The following YTHDF3 variants were observed in gnomAD, a reference collection of about 807,000 sequenced individuals.
YTHDF3 encodes the protein YTH domain-containing family protein 3.
YTHDF3 carries 9 observed loss-of-function variants against 52.5 expected under a neutral mutation model. That is an observed-to-expected ratio of 0.17 (90% CI 0.10 to 0.30). The LOEUF (loss-of-function observed/expected upper bound fraction) is 0.30, where lower values mean the gene tolerates loss of function less well. YTHDF3 is among the 10% of genes least tolerant of loss of function. The pLI is 1.00. For missense variants in YTHDF3, 534 were observed against 715.0 expected (o/e 0.75, Z 2.89); for synonymous variants, 274 against 243.3 (o/e 1.13, Z -1.18).
intron 3 of YTHDF3, among the ~76,000 whole-genome samples, chr8:63,178,454 C>G (rs1298806154): frequency 6.6e-6 from 1 of 152,094 alleles, no homozygotes; most frequent in Non-Finnish European, 1.5e-5. Flanking sequence ...CTTAGTGAAC[C>G]CAAATGAATT....
chr8:63,170,866 C>T (rs1049305464), intron 2 of YTHDF3, among the ~76,000 whole-genome samples: 17 of 152,242 alleles, frequency 1.1e-4, no homozygotes, highest in Non-Finnish European at 2.4e-4. Context: ...AGAGCCTCTA[C>T]AGCACTGTAA....
At chr8:63,208,371 A>G (rs956709568) in intron 4 of YTHDF3, among the ~76,000 whole-genome samples, 1 of 152,242 alleles carries the variant, frequency 6.6e-6, no homozygotes, top group Non-Finnish European at 1.5e-5. Flanking sequence ...CTTGCAAAAT[A>G]CGATTTATAT....
intron 4 of YTHDF3, among the ~76,000 whole-genome samples, chr8:63,208,193 A>T (rs1810158702): frequency 6.6e-6 from 1 of 152,168 alleles, no homozygotes; most frequent in Non-Finnish European, 1.5e-5. Context: ...ATGTAGTAGG[A>T]CATTTCTTTT....
intron 1 of YTHDF3, 92 bp downstream of exon 1, chr8:63,168,993 T>A: frequency 1.4e-6 from 2 of 1,472,540 alleles, no homozygotes; most frequent in South Asian, 2.5e-5. Context: ...TCGCCGCCGC[T>A]GCCGGCCCCA....
chr8:63,187,209 G>T lies in YTHDF3; in HGVS notation c.1198G>T (p.Ala400Ser), dbSNP rs756835273. Residue 400 changes from alanine (A) to serine (S), a missense_variant, in exon 4 of 5, where the codon GCC (alanine) becomes TCC (serine). This residue lies in a region of YTHDF3 where 203 missense variants were observed against 201.3 expected (regional missense o/e 1.01). Transcript: ENST00000539294. ...EVHPVLEKLK[A>S]INNYNPKDFD... ...GCATCCCGTGCTGGAAAAGCTAAAG[G>T]CCATAAACAACTATAATCCCAAAGA... 2 of 1,613,984 alleles carry T rather than the reference G, an allele frequency of 1.2e-6. No homozygotes were observed. The highest frequency in any genetic ancestry group is 1.7e-6 in the Non-Finnish European group (2 of 1,179,886).
chr8:63,180,078 C>G (rs1808002416), intron 3 of YTHDF3, among the ~76,000 whole-genome samples: 1 of 150,972 alleles, frequency 6.6e-6, no homozygotes, highest in South Asian at 2.1e-4. Context: ...GGGGCTGACC[C>G]CCCCCACCTC....
At chr8:63,179,967 C>A (rs550634889) in intron 3 of YTHDF3, among the ~76,000 whole-genome samples, 2 of 145,922 alleles carry the variant, frequency 1.4e-5, no homozygotes, top group Non-Finnish European at 1.5e-5. Flanking sequence ...GCTGGCCGGG[C>A]GGGGGGCTGA....
rs1408082902 is a variant in YTHDF3 at position 63,209,861 on chromosome 8, A to G, written c.*155A>G. On this transcript the variant is annotated 3_prime_UTR_variant, in exon 5 of 5. Transcript: ENST00000539294. ...GTTGACTCTTCTCGTAATGGTTTTC[A>G]TCAGCGCATCTGCCCTTATACTCTT... is the stretch of plus-strand genomic sequence containing the variant. The G allele has an allele frequency of 2.9e-6, 2 of 699,346 alleles. No homozygotes were observed. The highest frequency in any genetic ancestry group is 3.1e-5 in the Admixed American group (1 of 32,408). The allele number at this position is 699,346 out of a possible 1,614,324, so 43.3% of individuals were successfully genotyped here.
intron 4 of YTHDF3, chr8:63,188,635 T>C (rs1008152797): frequency 3.5e-5 from 5 of 144,468 alleles, no homozygotes; most frequent in Non-Finnish European, 6.0e-5. Context: ...GAAACAACTT[T>C]TAAATAAATG....
At position 63,201,119 on chromosome 8, in the gene YTHDF3, G is replaced by A. The variant is rs370942356; in HGVS notation, c.1735-8564G>A. Among the ~76,000 whole-genome samples the A allele has an allele frequency of 1.4e-4, 22 of 152,298 alleles. 1 individual carries two copies. The East Asian group carries it at 2.9e-3, about 20-fold the overall frequency. On this transcript the variant is annotated intron_variant, in intron 4 of 4. Coordinates refer to ENST00000539294, the MANE Select transcript of YTHDF3 (RefSeq NM_152758.6). ...ATCATTTTTAAAGTTTTTAAGCAAGGAAGTTACATACAAATTAGATATGTT... is the reference window on the plus strand; with the variant it reads ...ATCATTTTTAAAGTTTTTAAGCAAGAAAGTTACATACAAATTAGATATGTT...
In YTHDF3 at chr8:63,212,362, C is replaced by T. The variant is rs2150410719; in HGVS notation, c.*2656C>T. On this transcript the variant is annotated 3_prime_UTR_variant, in exon 5 of 5. Coordinates refer to ENST00000539294, the MANE Select transcript of YTHDF3 (RefSeq NM_152758.6). ...AATTTCTCTTTTTAATTTAAGTGAT[C>T]TTTCTAATTCGAAAGCTGTGTTCTT... 1 of 152,638 alleles carries T rather than the reference C, an allele frequency of 6.6e-6. No homozygotes were observed. The highest frequency in any genetic ancestry group is 2.4e-5 in the African/African-American group (1 of 41,548). The allele number at this position is 152,638 out of a possible 1,614,324, so 9.5% of individuals were successfully genotyped here.
At chr8:63,186,082 C>T in intron 3 of YTHDF3, 65 bp from the exon 4 acceptor site, 1 of 1,433,562 alleles carries the variant, frequency 7.0e-7, no homozygotes, top group Non-Finnish European at 9.4e-7. Flanking sequence ...TTTAATCTTT[C>T]AGATTTCTTT....
intron 4 of YTHDF3, chr8:63,188,694 TATATA>T (rs1808700165): frequency 5.7e-5 from 4 of 69,654 alleles, no homozygotes; most frequent in African/African-American, 2.5e-4. Flanking sequence ...TATATATATA[TATATA>T]TATTTTTTTT....
chr8:63,187,761 T>A lies in YTHDF3; in HGVS notation c.1734+16T>A, dbSNP rs752325613. On this transcript the variant is annotated intron_variant, in intron 4 of 4. Transcript: ENST00000539294. Reference sequence around the variant, plus strand: ...CATGCGTAGGGTAAGAATATAGTAATTTTTTGTTTGGGGTCTTTGTATTGC... The same window carrying A: ...CATGCGTAGGGTAAGAATATAGTAAATTTTTGTTTGGGGTCTTTGTATTGC... 8 of 1,566,326 alleles carry A rather than the reference T, an allele frequency of 5.1e-6. No homozygotes were observed. The highest frequency in any genetic ancestry group is 6.9e-6 in the Non-Finnish European group (8 of 1,158,048).
intron 3 of YTHDF3, among the ~76,000 whole-genome samples, chr8:63,184,935 A>T (rs561963851): frequency 6.6e-6 from 1 of 152,304 alleles, no homozygotes; most frequent in South Asian, 2.1e-4. Flanking sequence ...CCTGGGCAAC[A>T]TGGTGAAATC....
intron 3 of YTHDF3, among the ~76,000 whole-genome samples, chr8:63,182,234 A>AT (rs11348989): frequency 0.036 from 4,039 of 111,654 alleles, 101 homozygotes; most frequent in Non-Finnish European, 0.041. Context: ...TGCCTGGCTA[A>AT]TTTTTTTTTT....
Position 63,177,491 on chromosome 8 carries a change from A to G in YTHDF3, c.135+2075A>G, listed in dbSNP as rs1042793880. On this transcript the variant is annotated intron_variant, in intron 3 of 4. Coordinates refer to ENST00000539294, the MANE Select transcript of YTHDF3 (RefSeq NM_152758.6). Reference sequence around the variant, plus strand: ...GTTTTAAAATAAGCGTGATTTTACTATATTCTGGCTCACATAGTAATCTCA... The same window carrying G: ...GTTTTAAAATAAGCGTGATTTTACTGTATTCTGGCTCACATAGTAATCTCA... 5.9e-5 allele frequency among the ~76,000 whole-genome samples: 9 copies of G among 152,214 alleles called. No individual in the cohort carries two copies. In the South Asian group the frequency reaches 1.0e-3, roughly 17 times the overall value.
Position 63,194,653 on chromosome 8 carries a change from T to TGGTTATGCAAGATAATACCCTTA in YTHDF3, c.1734+6908_1734+6909insGGTTATGCAAGATAATACCCTTA, listed in dbSNP as rs1809124493. 2.0e-5 allele frequency among the ~76,000 whole-genome samples: 3 copies of TGGTTATGCAAGATAATACCCTTA among 152,114 alleles called. No individual in the cohort carries two copies. In the South Asian group the frequency reaches 6.2e-4, roughly 32 times the overall value. ...AACTTTCCCCCAGAAAACTATAGTG[T>TGGTTATGCAAGATAATACCCTTA]TTTTTTCCTATAGGAAAGAATAAGG... On this transcript the variant is annotated intron_variant, in intron 4 of 4. Transcript: ENST00000539294.
chr8:63,186,066 C>T, intron 3 of YTHDF3, 81 bp from the exon 4 acceptor site: 1 of 1,371,746 alleles, frequency 7.3e-7, no homozygotes, highest in Non-Finnish European at 9.9e-7. Context: ...CTTAAAACTT[C>T]TTGATTTTAA....
Sources: gnomAD v4.1 joint callset for allele counts (sites outside exome capture counted in the v4.1 genomes callset) on GRCh38, gnomAD v4.1.1 for gene constraint, gnomAD v4.1.1 regional missense constraint, MANE v1.5 for transcripts, NCBI Gene and HGNC (gene_info 2026-07-23, HGNC 2026-07-21) for gene names.